The following CTNNA2 variants were observed in gnomAD, a reference collection of about 807,000 sequenced individuals.
CTNNA2 encodes catenin alpha 2.
A neutral mutation model predicts 101.0 loss-of-function variants in CTNNA2; 42 were observed. The observed-to-expected ratio is 0.42, with a 90% CI of 0.32 to 0.54. The LOEUF (loss-of-function observed/expected upper bound fraction) is 0.54. Among genes scored for constraint, CTNNA2 ranks in the 20% least tolerant of loss-of-function variants. CTNNA2 has a pLI of 0.14. For synonymous variants in CTNNA2, 450 were observed against 456.4 expected, an observed-to-expected ratio of 0.99 and a Z score of 0.18; for missense variants, 871 against 1,223.1, an observed-to-expected ratio of 0.71 and a Z score of 4.29.
intron 7 of CTNNA2, among the ~76,000 whole-genome samples, chr2:79,926,473 A>G (rs1337105217): frequency 6.6e-6 from 1 of 152,088 alleles, no homozygotes; most frequent in African/African-American, 2.4e-5. Flanking sequence ...GATGAACTGG[A>G]GGCCTTTTCT....
At chr2:79,352,858 C>T (rs940120830) in intron 3 of CTNNA2, among the ~76,000 whole-genome samples, 5 of 152,140 alleles carry the variant, frequency 3.3e-5, no homozygotes, top group African/African-American at 1.2e-4. Context: ...GTGAGCTATG[C>T]AGGCTTCTGC....
chr2:79,596,546 G>A (rs1416111090), intron 1 of CTNNA2, among the ~76,000 whole-genome samples: 1 of 152,184 alleles, frequency 6.6e-6, no homozygotes, highest in Non-Finnish European at 1.5e-5. Flanking sequence ...AGCAATGACA[G>A]TGGAAGGAAA....
intron 2 of CTNNA2, among the ~76,000 whole-genome samples, chr2:79,705,137 G>A (rs2104777379): frequency 6.6e-6 from 1 of 152,198 alleles, no homozygotes; most frequent in East Asian, 1.9e-4. Flanking sequence ...TCCACTCCCT[G>A]CTCCCCACAA....
chr2:80,610,216 A>G (rs1042569888), intron 17 of CTNNA2, among the ~76,000 whole-genome samples: 2 of 151,686 alleles, frequency 1.3e-5, no homozygotes, highest in African/African-American at 4.8e-5. Context: ...ACCTACATCT[A>G]TAGTCTGCTG....
At chr2:79,972,412 A>G (rs1013791435) in intron 7 of CTNNA2, among the ~76,000 whole-genome samples, 1 of 152,144 alleles carries the variant, frequency 6.6e-6, no homozygotes, top group Non-Finnish European at 1.5e-5. Flanking sequence ...AAAATTTGGC[A>G]TTTTCATTCT....
chr2:80,520,277 G>C (rs1226602416), intron 9 of CTNNA2, among the ~76,000 whole-genome samples: 2 of 151,870 alleles, frequency 1.3e-5, no homozygotes, highest in Non-Finnish European at 2.9e-5. Context: ...CATTTTTGGA[G>C]AAAGCTGTTG....
chr2:79,807,683 C>A (rs775973043), intron 3 of CTNNA2, among the ~76,000 whole-genome samples: 3 of 152,184 alleles, frequency 2.0e-5, no homozygotes, highest in Admixed American at 6.5e-5. Flanking sequence ...TTACATTACA[C>A]ATTTAAGGAA....
chr2:79,485,086 G>C (rs1671144754), intron 4 of CTNNA2, among the ~76,000 whole-genome samples: 2 of 152,012 alleles, frequency 1.3e-5, no homozygotes, highest in Admixed American at 1.3e-4. Context: ...GGTTATAGAT[G>C]GATATTTATA....
chr2:79,687,935 A>G (rs923216774), intron 2 of CTNNA2, among the ~76,000 whole-genome samples: 2 of 152,100 alleles, frequency 1.3e-5, no homozygotes, highest in African/African-American at 4.8e-5. Flanking sequence ...ATCTCCGTAT[A>G]GAGTGGGAAT....
At chr2:79,361,107 G>T (rs1207658702) in intron 3 of CTNNA2, among the ~76,000 whole-genome samples, 1 of 151,978 alleles carries the variant, frequency 6.6e-6, no homozygotes, top group Non-Finnish European at 1.5e-5. Context: ...TTACTTTCTT[G>T]GGAAGATCAT....
chr2:79,734,869 T>A (rs569938619), intron 2 of CTNNA2, among the ~76,000 whole-genome samples: 92 of 152,274 alleles, frequency 6.0e-4, no homozygotes, highest in Middle Eastern at 3.4e-3. Context: ...TGAACAAAAA[T>A]TTATGTAATG....
intron 7 of CTNNA2, among the ~76,000 whole-genome samples, chr2:80,057,817 G>A (rs1697325608): frequency 6.6e-6 from 1 of 152,126 alleles, no homozygotes; most frequent in African/African-American, 2.4e-5. Context: ...ATTTTGGAGA[G>A]GGCCATGATA....
chr2:80,538,418 G>A (rs1196335947), intron 9 of CTNNA2, among the ~76,000 whole-genome samples: 1 of 152,062 alleles, frequency 6.6e-6, no homozygotes, highest in Non-Finnish European at 1.5e-5. Context: ...GTAAGGAAGG[G>A]GTCCAGTTTC....
At chr2:80,551,603 C>T (rs1247978944) in intron 11 of CTNNA2, among the ~76,000 whole-genome samples, 1 of 152,212 alleles carries the variant, frequency 6.6e-6, no homozygotes, top group Non-Finnish European at 1.5e-5. Context: ...CATGAACCAA[C>T]CTCTGCTAGC....
At position 79,344,713 on chromosome 2, in the gene CTNNA2, G is replaced by T. The variant is rs534470504; in HGVS notation, c.-317-29118G>T. 1.5e-3 allele frequency among the ~76,000 whole-genome samples: 232 copies of T among 150,944 alleles called. 1 individual carries two copies. The highest frequency in any genetic ancestry group is 5.4e-3 in the African/African-American group (224 of 41,156). On this transcript the variant is annotated intron_variant, in intron 3 of 21. Transcript: ENST00000466387. ...TAAAAAACCAATTTTGTATCTGCTA[G>T]CACTAGGCTAGATACATGTTCAATC...
rs1186844506 is a variant in CTNNA2 at position 79,773,416 on chromosome 2, A to G, written c.298+28834A>G. Reference sequence around the variant, plus strand: ...GGAGACCTGAGACATCAATCAATATATGTCTCCCGTTCAGAAATATGGGGA... The same window carrying G: ...GGAGACCTGAGACATCAATCAATATGTGTCTCCCGTTCAGAAATATGGGGA... On this transcript the variant is annotated intron_variant, in intron 3 of 18. Coordinates refer to ENST00000402739, the MANE Select transcript of CTNNA2 (RefSeq NM_001282597.3). Among the ~76,000 whole-genome samples, 3 of 152,152 alleles carry G rather than the reference A, an allele frequency of 2.0e-5. No individual in the cohort carries two copies. The East Asian group carries it at 5.8e-4, about 29-fold the overall frequency.
chr2:79,511,177 G>T (rs1007756132), upstream of CTNNA2, among the ~76,000 whole-genome samples: 1 of 152,078 alleles, frequency 6.6e-6, no homozygotes, highest in Non-Finnish European at 1.5e-5. Flanking sequence ...CAGATTCTTG[G>T]ACCATTCAAA....
intron 17 of CTNNA2, among the ~76,000 whole-genome samples, chr2:80,615,690 C>A (rs979409279): frequency 1.3e-5 from 2 of 151,584 alleles, no homozygotes; most frequent in Non-Finnish European, 3.0e-5. Flanking sequence ...TTACTGTTGT[C>A]TACATTCTGT....
chr2:79,968,613 C>T (rs946342748), intron 7 of CTNNA2, among the ~76,000 whole-genome samples: 1 of 151,948 alleles, frequency 6.6e-6, no homozygotes, highest in African/African-American at 2.4e-5. Flanking sequence ...TCGAGACCAG[C>T]CTGGGCAATA....
Sources: gnomAD v4.1 joint callset for allele counts (sites outside exome capture counted in the v4.1 genomes callset) on GRCh38, gnomAD v4.1.1 for gene constraint, MANE v1.5 for transcripts, NCBI Gene and HGNC (gene_info 2026-07-23, HGNC 2026-07-21) for gene names.